FBXL13: variants seen among roughly 807,000 people sequenced by gnomAD.
FBXL13 encodes F-box and leucine rich repeat protein 13.
Under a neutral mutation model 83.6 loss-of-function variants are expected in FBXL13, and 67 were observed. The observed-to-expected ratio is 0.80, with a 90% CI of 0.66 to 0.98. The LOEUF (loss-of-function observed/expected upper bound fraction) is 0.98. FBXL13 is among the 50% of genes least tolerant of loss of function. FBXL13 has a pLI of 0.00. For missense variants in FBXL13, 822 were observed against 866.5 expected (o/e 0.95, Z 0.64); for synonymous variants, 272 against 299.5 (o/e 0.91, Z 0.95).
intron 18 of FBXL13, chr7:102,826,989 TA>T: frequency 2.8e-6 from 1 of 353,154 alleles, no homozygotes; most frequent in Non-Finnish European, 6.2e-6. Flanking sequence ...TGTGGTAGAT[TA>T]AAAATGGCCA....
intron 2 of FBXL13, among the ~76,000 whole-genome samples, chr7:103,047,843 C>T (rs138612268): frequency 8.5e-5 from 13 of 152,198 alleles, no homozygotes; most frequent in South Asian, 2.1e-4. Flanking sequence ...TACAGGCACC[C>T]GCCACCATGC....
intron 4 of FBXL13, among the ~76,000 whole-genome samples, chr7:103,027,809 T>C (rs1228743703): frequency 6.6e-6 from 1 of 152,242 alleles, no homozygotes; most frequent in African/African-American, 2.4e-5. Context: ...TCAAGACATG[T>C]ATCATTTCCT....
intron 11 of FBXL13, among the ~76,000 whole-genome samples, chr7:102,900,452 C>G (rs1469768513): frequency 6.6e-6 from 1 of 152,188 alleles, no homozygotes. Flanking sequence ...CCTAATACAA[C>G]ATTCCAAATT....
chr7:102,992,248 T>C (rs1829655023), intron 6 of FBXL13, among the ~76,000 whole-genome samples: 1 of 152,132 alleles, frequency 6.6e-6, no homozygotes, highest in South Asian at 2.1e-4. Flanking sequence ...TTAAAACCCA[T>C]CTCCTAAGTG....
intron 2 of FBXL13, among the ~76,000 whole-genome samples, chr7:103,049,238 T>C (rs1463777556): frequency 1.3e-5 from 2 of 152,174 alleles, no homozygotes; most frequent in African/African-American, 2.4e-5. Flanking sequence ...GAATGTAATG[T>C]CTCCAAAATA....
At chr7:102,859,266 A>G (rs1806470425) in intron 16 of FBXL13, among the ~76,000 whole-genome samples, 1 of 152,220 alleles carries the variant, frequency 6.6e-6, no homozygotes, top group African/African-American at 2.4e-5. Context: ...GTAACTGAGC[A>G]GCAACAAATC....
At chr7:102,912,860 A>G in intron 11 of FBXL13, 3 of 480,828 alleles carry the variant, frequency 6.2e-6, no homozygotes, top group Middle Eastern at 5.8e-4. Context: ...TCCTCATCCA[A>G]TGAGCTCTGC....
chr7:102,903,006 G>T (rs548310000), intron 11 of FBXL13, among the ~76,000 whole-genome samples: 77 of 151,932 alleles, frequency 5.1e-4, no homozygotes, highest in African/African-American at 1.8e-3. Flanking sequence ...TCTGTAGATT[G>T]CTTTGGGTAG....
intron 6 of FBXL13, among the ~76,000 whole-genome samples, chr7:102,975,380 G>T (rs1384424528): frequency 6.6e-6 from 1 of 152,132 alleles, no homozygotes; most frequent in Non-Finnish European, 1.5e-5. Context: ...GAAGACTGGG[G>T]CTGTATCTGG....
At chr7:103,044,725 T>C (rs1796099542) in intron 2 of FBXL13, among the ~76,000 whole-genome samples, 1 of 152,226 alleles carries the variant, frequency 6.6e-6, no homozygotes, top group South Asian at 2.1e-4. Context: ...CTTTCTCTTG[T>C]AGTTAGAAGG....
downstream of FBXL13, among the ~76,000 whole-genome samples, chr7:102,812,904 G>A (rs1460446396): frequency 2.7e-5 from 4 of 146,886 alleles, no homozygotes; most frequent in South Asian, 2.1e-4. Flanking sequence ...ATGCAGTGAC[G>A]TGATCTAGGC....
intron 6 of FBXL13, among the ~76,000 whole-genome samples, chr7:102,997,350 A>G (rs1789917670): frequency 6.6e-6 from 1 of 152,234 alleles, no homozygotes; most frequent in Non-Finnish European, 1.5e-5. Flanking sequence ...TAATATATGC[A>G]TACAATGTGT....
chr7:102,832,137 T>C (rs1192175989), intron 18 of FBXL13, among the ~76,000 whole-genome samples: 1 of 152,218 alleles, frequency 6.6e-6, no homozygotes, highest in Non-Finnish European at 1.5e-5. Context: ...GATATTTACT[T>C]TCTCCCTTAA....
intron 19 of FBXL13, chr7:102,816,050 A>G (rs886554905): frequency 8.5e-5 from 13 of 152,234 alleles, no homozygotes; most frequent in African/African-American, 2.9e-4. Context: ...TGAAGTGCCC[A>G]CTGGTATATG....
At chr7:102,996,598 C>T (rs1789816315) in intron 6 of FBXL13, among the ~76,000 whole-genome samples, 1 of 152,192 alleles carries the variant, frequency 6.6e-6, no homozygotes, top group Non-Finnish European at 1.5e-5. Flanking sequence ...TCCTCCCCAG[C>T]AGTTTAACAA....
At chr7:102,825,617 C>A (rs949614762) in intron 18 of FBXL13, among the ~76,000 whole-genome samples, 1 of 152,142 alleles carries the variant, frequency 6.6e-6, no homozygotes, top group African/African-American at 2.4e-5. Flanking sequence ...TACGAATTTT[C>A]ACATTGCTTC....
At chr7:103,054,612 T>G (rs1374784163) in intron 2 of FBXL13, among the ~76,000 whole-genome samples, 1 of 152,206 alleles carries the variant, frequency 6.6e-6, no homozygotes, top group Non-Finnish European at 1.5e-5. Flanking sequence ...ATCTGTCTTT[T>G]AAGTTGGATG....
chr7:103,045,907 T>C (rs1342606692), intron 2 of FBXL13, among the ~76,000 whole-genome samples: 1 of 152,252 alleles, frequency 6.6e-6, no homozygotes, highest in Non-Finnish European at 1.5e-5. Context: ...AGTAATCTCA[T>C]GGTCGCACAT....
chr7:102,912,012 C>T (rs1051806883), intron 11 of FBXL13, among the ~76,000 whole-genome samples: 1 of 152,120 alleles, frequency 6.6e-6, no homozygotes. Context: ...ATTCAAGAAC[C>T]CTGGGGGAGA....
Sources: allele counts gnomAD v4.1 joint callset (sites outside exome capture counted in the v4.1 genomes callset), GRCh38; gene constraint gnomAD v4.1.1; transcripts MANE v1.5; gene names NCBI Gene and HGNC (gene_info 2026-07-23, HGNC 2026-07-21).